The following NOL4 variants were observed in gnomAD, a reference collection of about 807,000 sequenced individuals.
NOL4 encodes the protein nucleolar protein 4.
In NOL4, 17 loss-of-function variants were observed where a neutral mutation model predicts 75.9. The ratio of observed to expected loss-of-function variants is 0.22; its 90% CI spans 0.15 to 0.34. The LOEUF is 0.34. NOL4 is among the 10% of genes least tolerant of loss of function. The pLI is 1.00. For synonymous variants in NOL4, 292 were observed against 289.9 expected (o/e 1.01, Z -0.07); for missense variants, 614 against 793.5 (o/e 0.77, Z 2.72).
At chr18:34,016,473 C>T (rs778318433) in intron 6 of NOL4, among the ~76,000 whole-genome samples, 3 of 152,022 alleles carry the variant, frequency 2.0e-5, no homozygotes, top group African/African-American at 4.8e-5. Context: ...CTGGTGGAGC[C>T]GCTTTATACT....
chr18:34,167,501 AT>A (rs1448802672), intron 1 of NOL4, among the ~76,000 whole-genome samples: 1 of 149,096 alleles, frequency 6.7e-6, no homozygotes, highest in East Asian at 1.9e-4. Context: ...TCTTTCTAAA[AT>A]GAAAAATCTG....
chr18:34,009,064 AT>A lies in NOL4; in HGVS notation c.1056+10253del, dbSNP rs199713111. 3.1e-3 allele frequency among the ~76,000 whole-genome samples: 452 copies of A among 146,800 alleles called. 1 individual carries two copies. The highest frequency in any genetic ancestry group is 0.011 in the East Asian group (57 of 5,000). ...CTTCCCCTCCAGAAGTTCAGAAAAG[AT>A]TTTTTTTTTTTTCTAGCTGAGGTAG... is the stretch of plus-strand genomic sequence containing the variant. On this transcript the variant is annotated intron_variant, in intron 6 of 10. Transcript: ENST00000261592.
At chr18:34,022,374 A>T (rs972362096) in intron 5 of NOL4, among the ~76,000 whole-genome samples, 5 of 152,016 alleles carry the variant, frequency 3.3e-5, no homozygotes, top group Non-Finnish European at 5.9e-5. Context: ...GCCATAAATA[A>T]TATGACATTT....
Position 34,024,194 on chromosome 18 carries a change from A to AAAAATATATATATAT in NOL4, c.773-4594_773-4593insATATATATATATTTT. 5.1e-4 allele frequency among the ~76,000 whole-genome samples: 36 copies of AAAAATATATATATAT among 70,672 alleles called. 2 individuals carry two copies. Among genetic ancestry groups the AAAAATATATATATAT allele is most frequent in the Non-Finnish European group, 7.6e-4 (24 of 31,754 alleles). The allele number at this position is 70,672 out of a possible 152,430, so 46.4% of individuals were successfully genotyped here. On this transcript the variant is annotated intron_variant, in intron 5 of 10. Transcript: ENST00000261592. ...CAAAATAAACAGGAAAAAAAAAAAA[A>AAAAATATATATATAT]ATATATATATATATATATATAAAAT... is the stretch of plus-strand genomic sequence containing the variant.
At chr18:34,001,533 C>T (rs1340516893) in intron 6 of NOL4, among the ~76,000 whole-genome samples, 3 of 151,892 alleles carry the variant, frequency 2.0e-5, no homozygotes, top group Non-Finnish European at 4.4e-5. Flanking sequence ...AGAAGCACAC[C>T]ACGTCAACAT....
intron 9 of NOL4, among the ~76,000 whole-genome samples, chr18:33,916,277 C>T (rs1785729101): frequency 6.6e-6 from 1 of 152,102 alleles, no homozygotes; most frequent in Admixed American, 6.6e-5. Flanking sequence ...ATTCATCTTG[C>T]ATATTCCAGA....
chr18:33,962,452 C>T (rs1360788895), intron 6 of NOL4, among the ~76,000 whole-genome samples: 3 of 152,136 alleles, frequency 2.0e-5, no homozygotes, highest in Admixed American at 2.0e-4. Flanking sequence ...AGTGAATAAC[C>T]TTTATGAAGG....
intron 5 of NOL4, among the ~76,000 whole-genome samples, chr18:34,027,258 T>C (rs1220945745): frequency 6.6e-6 from 1 of 152,136 alleles, no homozygotes; most frequent in Non-Finnish European, 1.5e-5. Flanking sequence ...AGCTCAGTAG[T>C]AGGGAGCTCT....
At chr18:33,984,861 C>A (rs1330115757) in intron 6 of NOL4, among the ~76,000 whole-genome samples, 1 of 152,024 alleles carries the variant, frequency 6.6e-6, no homozygotes, top group Non-Finnish European at 1.5e-5. Context: ...GTGAATTCTA[C>A]ATTTTTTCGA....
At chr18:34,105,014 T>G in intron 3 of NOL4, 35 bp downstream of exon 3, 2 of 1,320,950 alleles carry the variant, frequency 1.5e-6, no homozygotes, top group Non-Finnish European at 2.2e-6. Flanking sequence ...ATGAATAAAA[T>G]TACTTTAAAT....
intron 4 of NOL4, among the ~76,000 whole-genome samples, chr18:34,101,989 A>G (rs1254281533): frequency 6.6e-6 from 1 of 151,814 alleles, no homozygotes; most frequent in African/African-American, 2.4e-5. Context: ...AACCATGTTG[A>G]CTGTCTTGCT....
intron 1 of NOL4, among the ~76,000 whole-genome samples, chr18:34,134,288 A>G (rs1158694965): frequency 1.3e-5 from 2 of 152,080 alleles, no homozygotes; most frequent in African/African-American, 4.8e-5. Flanking sequence ...GTAGATTCTG[A>G]TAATTTTGAA....
intron 6 of NOL4, among the ~76,000 whole-genome samples, chr18:33,971,948 C>T (rs1441780057): frequency 6.6e-6 from 1 of 151,940 alleles, no homozygotes; most frequent in Non-Finnish European, 1.5e-5. Flanking sequence ...GGTGGATCAT[C>T]TGAGGTCAGA....
intron 6 of NOL4, among the ~76,000 whole-genome samples, chr18:33,963,619 T>C (rs2070334041): frequency 6.6e-6 from 1 of 152,210 alleles, no homozygotes; most frequent in African/African-American, 2.4e-5. Flanking sequence ...CTATGGAAGA[T>C]GGATACATGC....
chr18:34,061,740 T>G (rs1201454000), intron 5 of NOL4, among the ~76,000 whole-genome samples: 3 of 152,160 alleles, frequency 2.0e-5, no homozygotes, highest in African/African-American at 7.2e-5. Flanking sequence ...GTCAGTTTAT[T>G]ATAATATTTA....
chr18:34,132,833 C>G (rs1023194883), intron 1 of NOL4, among the ~76,000 whole-genome samples: 1 of 151,334 alleles, frequency 6.6e-6, no homozygotes, highest in African/African-American at 2.4e-5. Flanking sequence ...AAAGACACAT[C>G]ACATATAAGT....
intron 6 of NOL4, among the ~76,000 whole-genome samples, chr18:33,985,512 T>C (rs918489089): frequency 6.6e-6 from 1 of 152,118 alleles, no homozygotes; most frequent in Non-Finnish European, 1.5e-5. Flanking sequence ...GACCATCACT[T>C]TTGCTTACCA....
intron 6 of NOL4, among the ~76,000 whole-genome samples, chr18:33,967,365 T>G (rs527849037): frequency 6.6e-6 from 1 of 152,172 alleles, no homozygotes; most frequent in East Asian, 1.9e-4. Flanking sequence ...CTATAAAAAT[T>G]CTAGAAGACA....
intron 6 of NOL4, among the ~76,000 whole-genome samples, chr18:33,986,873 C>T (rs2146054590): frequency 6.6e-6 from 1 of 152,200 alleles, no homozygotes; most frequent in East Asian, 1.9e-4. Context: ...CACAAATGTG[C>T]TTCAGTTGGT....
Sources: gnomAD v4.1 joint callset for allele counts (sites outside exome capture counted in the v4.1 genomes callset) on GRCh38, gnomAD v4.1.1 for gene constraint, MANE v1.5 for transcripts, NCBI Gene and HGNC (gene_info 2026-07-23, HGNC 2026-07-21) for gene names.